The following GALNTL6 variants were observed in gnomAD, a reference collection of about 807,000 sequenced individuals.
GALNTL6 encodes polypeptide N-acetylgalactosaminyltransferase like 6.
Under a neutral mutation model 73.7 loss-of-function variants are expected in GALNTL6, and 46 were observed. That is an observed-to-expected ratio of 0.62 (90% confidence interval 0.49 to 0.80). The LOEUF (loss-of-function observed/expected upper bound fraction) is 0.80. Ranked by LOEUF, GALNTL6 falls within the 30% of genes least tolerant of loss-of-function variation. GALNTL6 has a pLI of 0.00. For missense variants in GALNTL6, 604 were observed against 755.0 expected, an observed-to-expected ratio of 0.80 and a Z score of 2.34; for synonymous variants, 259 against 263.7, an observed-to-expected ratio of 0.98 and a Z score of 0.17.
chr4:172,344,267 A>C (rs1221746379), intron 4 of GALNTL6, among the ~76,000 whole-genome samples: 5 of 152,214 alleles, frequency 3.3e-5, no homozygotes, highest in African/African-American at 1.2e-4. Flanking sequence ...GCCTAAATAA[A>C]GCCCTGGATG....
chr4:172,335,807 C>G (rs1254496992), intron 4 of GALNTL6, among the ~76,000 whole-genome samples: 1 of 152,088 alleles, frequency 6.6e-6, no homozygotes, highest in African/African-American at 2.4e-5. Flanking sequence ...TTTGTTGTAT[C>G]TAATTGTGCT....
At chr4:172,243,122 C>A (rs1319825536) in intron 3 of GALNTL6, among the ~76,000 whole-genome samples, 3 of 152,192 alleles carry the variant, frequency 2.0e-5, no homozygotes, top group Non-Finnish European at 4.4e-5. Flanking sequence ...AGTTTCTCCA[C>A]TGGCCACAAT....
chr4:172,057,718 AAAAAAAAAAATATATAT>A (rs1196386029), intron 2 of GALNTL6, among the ~76,000 whole-genome samples: 1 of 83,046 alleles, frequency 1.2e-5, no homozygotes, highest in African/African-American at 4.4e-5. Flanking sequence ...AAAAAAAAAA[AAAAAAAAAAATATATAT>A]ATATATATAT....
At chr4:171,954,247 T>C (rs1030888171) in intron 2 of GALNTL6, among the ~76,000 whole-genome samples, 1 of 152,220 alleles carries the variant, frequency 6.6e-6, no homozygotes, top group Admixed American at 6.5e-5. Flanking sequence ...AGTTGTGATT[T>C]ATGATTTGAA....
intron 8 of GALNTL6, among the ~76,000 whole-genome samples, chr4:172,910,346 A>G (rs1464929020): frequency 6.6e-6 from 1 of 152,238 alleles, no homozygotes; most frequent in East Asian, 1.9e-4. Context: ...ATCAGCCAGT[A>G]TTACAAGGCA....
chr4:172,216,372 T>C (rs1736498900), intron 2 of GALNTL6, among the ~76,000 whole-genome samples: 1 of 152,054 alleles, frequency 6.6e-6, no homozygotes, highest in Non-Finnish European at 1.5e-5. Flanking sequence ...CATTCCAAAC[T>C]CTTTTTACTT....
intron 2 of GALNTL6, among the ~76,000 whole-genome samples, chr4:172,089,078 C>A (rs888468560): frequency 5.3e-5 from 8 of 152,152 alleles, no homozygotes; most frequent in Non-Finnish European, 1.2e-4. Context: ...TTTCTCCACA[C>A]CCAATTAAGT....
intron 2 of GALNTL6, among the ~76,000 whole-genome samples, chr4:172,187,342 T>C (rs762503909): frequency 1.3e-5 from 2 of 152,090 alleles, no homozygotes; most frequent in African/African-American, 4.8e-5. Flanking sequence ...TCAAATACAT[T>C]AAAACCTCAT....
intron 11 of GALNTL6, among the ~76,000 whole-genome samples, chr4:173,017,578 A>G (rs779275196): frequency 9.2e-5 from 14 of 152,222 alleles, no homozygotes; most frequent in Non-Finnish European, 1.0e-4. Flanking sequence ...TCAAAGACCT[A>G]AGAGAGAAAA....
At chr4:172,273,826 C>T (rs145424142) in intron 3 of GALNTL6, among the ~76,000 whole-genome samples, 102 of 152,266 alleles carry the variant, frequency 6.7e-4, no homozygotes, top group African/African-American at 2.2e-3. Context: ...GCTTGAGCTT[C>T]TCCCGTGGGC....
intron 2 of GALNTL6, among the ~76,000 whole-genome samples, chr4:171,909,770 G>A (rs1262494699): frequency 6.6e-6 from 1 of 152,080 alleles, no homozygotes; most frequent in African/African-American, 2.4e-5. Context: ...ATATTAAAAT[G>A]CTTTTCTATT....
chr4:172,241,800 G>GT (rs1444494655), intron 3 of GALNTL6, among the ~76,000 whole-genome samples: 1 of 152,102 alleles, frequency 6.6e-6, no homozygotes, highest in African/African-American at 2.4e-5. Flanking sequence ...TTTTCTATGT[G>GT]TAATACCATT....
At chr4:172,570,256 A>G (rs538282326) in intron 5 of GALNTL6, among the ~76,000 whole-genome samples, 1 of 152,164 alleles carries the variant, frequency 6.6e-6, no homozygotes, top group Admixed American at 6.5e-5. Context: ...GAGTATGTGC[A>G]TCTGCTGAAG....
At chr4:172,480,867 C>G (rs1733429793) in intron 5 of GALNTL6, among the ~76,000 whole-genome samples, 1 of 152,098 alleles carries the variant, frequency 6.6e-6, no homozygotes, top group Admixed American at 6.5e-5. Context: ...CTCATGTCCT[C>G]CACTAGACTA....
At chr4:172,765,304 G>T (rs1196000053) in intron 5 of GALNTL6, among the ~76,000 whole-genome samples, 1 of 152,074 alleles carries the variant, frequency 6.6e-6, no homozygotes, top group Non-Finnish European at 1.5e-5. Flanking sequence ...TCCAAAACTT[G>T]ACCTTTTTAT....
intron 2 of GALNTL6, among the ~76,000 whole-genome samples, chr4:172,062,638 CA>C (rs1322045460): frequency 2.0e-5 from 3 of 152,170 alleles, no homozygotes; most frequent in African/African-American, 7.2e-5. Flanking sequence ...ATCAGCATTC[CA>C]AAACACATTT....
chr4:172,128,834 T>A (rs1167085687), intron 2 of GALNTL6, among the ~76,000 whole-genome samples: 1 of 152,198 alleles, frequency 6.6e-6, no homozygotes, highest in African/African-American at 2.4e-5. Context: ...AGAAAAATAT[T>A]TGCAGGCTTT....
At chr4:172,980,123 T>C (rs1751002410) in intron 10 of GALNTL6, among the ~76,000 whole-genome samples, 1 of 152,184 alleles carries the variant, frequency 6.6e-6, no homozygotes, top group African/African-American at 2.4e-5. Context: ...TTCTTTCACC[T>C]CACAGAAAAG....
At chr4:171,934,444 A>G (rs1248903482) in intron 2 of GALNTL6, among the ~76,000 whole-genome samples, 1 of 151,950 alleles carries the variant, frequency 6.6e-6, no homozygotes, top group Non-Finnish European at 1.5e-5. Flanking sequence ...TCTCATTCTC[A>G]TTTCCATCAT....
Sources: allele counts gnomAD v4.1 joint callset (sites outside exome capture counted in the v4.1 genomes callset), GRCh38; gene constraint gnomAD v4.1.1; transcripts MANE v1.5; gene names NCBI Gene and HGNC (gene_info 2026-07-23, HGNC 2026-07-21).